The following LIMCH1 variants were observed in gnomAD, a reference collection of about 807,000 sequenced individuals.
The protein encoded by LIMCH1 is LIM and calponin homology domains-containing protein 1.
In LIMCH1, 113 loss-of-function variants were observed where a neutral mutation model predicts 176.5. The ratio of observed to expected loss-of-function variants is 0.64; its 90% confidence interval spans 0.55 to 0.75. The LOEUF (loss-of-function observed/expected upper bound fraction) is 0.75, where lower values mean the gene tolerates loss of function less well. LIMCH1 is among the 30% of genes least tolerant of loss of function. The pLI is 0.00. For missense variants in LIMCH1, 1,674 were observed against 1,814.9 expected, an observed-to-expected ratio of 0.92 and a Z score of 1.41; for synonymous variants, 619 against 645.9, an observed-to-expected ratio of 0.96 and a Z score of 0.63.
At chr4:41,360,355 C>G (rs577870227), upstream of LIMCH1, among the ~76,000 whole-genome samples, 1 of 152,186 alleles carries the variant, frequency 6.6e-6, no homozygotes, top group African/African-American at 2.4e-5. This position sits in a 1 kb window ranked among gnomAD's most constrained non-coding sequence, Gnocchi z 4.5. Context: ...GCCCGCTCCC[C>G]CGGGCCCGGG....
At chr4:41,415,959 AGAGT>A (rs1446944793) in intron 1 of LIMCH1, among the ~76,000 whole-genome samples, 1 of 151,732 alleles carries the variant, frequency 6.6e-6, no homozygotes, top group Non-Finnish European at 1.5e-5. Flanking sequence ...CCTGGGTGAG[AGAGT>A]GAGACTCCGT....
intron 19 of LIMCH1, among the ~76,000 whole-genome samples, chr4:41,662,368 G>C (rs377583688): frequency 6.6e-6 from 1 of 151,988 alleles, no homozygotes; most frequent in South Asian, 2.1e-4. Context: ...CCCACAATCC[G>C]TAACACATTC....
At chr4:41,410,447 G>GGAAA (rs2059379610) in intron 1 of LIMCH1, among the ~76,000 whole-genome samples, 1 of 152,122 alleles carries the variant, frequency 6.6e-6, no homozygotes, top group Non-Finnish European at 1.5e-5. Context: ...TGGCGTCGTA[G>GGAAA]GAAAGAATTA....
At chr4:41,509,259 C>T (rs1561584314) in intron 2 of LIMCH1, among the ~76,000 whole-genome samples, 1 of 152,160 alleles carries the variant, frequency 6.6e-6, no homozygotes, top group Non-Finnish European at 1.5e-5. Flanking sequence ...CTTATTTAGT[C>T]CTCAGAGCAA....
intron 14 of LIMCH1, among the ~76,000 whole-genome samples, 169 bp from the exon 15 acceptor site, chr4:41,644,331 C>A (rs2093961600): frequency 6.6e-6 from 1 of 152,166 alleles, no homozygotes; most frequent in South Asian, 2.1e-4. Context: ...AGCACGCCCA[C>A]CGCCCGCCCA....
chr4:41,680,223 C>T, intron 24 of LIMCH1, 125 bp downstream of exon 24: 4 of 667,008 alleles, frequency 6.0e-6, no homozygotes, highest in East Asian at 5.5e-5. Context: ...ACAGCAGAAT[C>T]CCATCAAGCT....
At chr4:41,551,054 T>C (rs981552801) in intron 1 of LIMCH1, 1 of 152,194 alleles carries the variant, frequency 6.6e-6, no homozygotes, top group Non-Finnish European at 1.5e-5. Context: ...TCATAGGTAT[T>C]CATATTGGAG....
At chr4:41,519,192 C>T (rs1218340567) in intron 2 of LIMCH1, among the ~76,000 whole-genome samples, 1 of 152,198 alleles carries the variant, frequency 6.6e-6, no homozygotes, top group Non-Finnish European at 1.5e-5. Context: ...CACGTATGTG[C>T]ACCATTCTGG....
chr4:41,484,099 TTG>T (rs1561510214), intron 1 of LIMCH1, among the ~76,000 whole-genome samples: 2 of 152,246 alleles, frequency 1.3e-5, no homozygotes, highest in African/African-American at 4.8e-5. Flanking sequence ...AGAGGGCATA[TTG>T]TAGTTGTGAT....
At chr4:41,521,923 CA>C (rs1160263085) in intron 2 of LIMCH1, among the ~76,000 whole-genome samples, 3 of 151,996 alleles carry the variant, frequency 2.0e-5, no homozygotes, top group Non-Finnish European at 2.9e-5. Flanking sequence ...ATATTAAAAA[CA>C]GCTTAAAAAT....
intron 1 of LIMCH1, among the ~76,000 whole-genome samples, chr4:41,464,362 C>CT (rs2065805372): frequency 6.7e-6 from 1 of 148,282 alleles, no homozygotes; most frequent in Non-Finnish European, 1.5e-5. Context: ...TTTTCCTTTT[C>CT]TTTTTTTCTT....
intron 21 of LIMCH1, among the ~76,000 whole-genome samples, chr4:41,667,274 A>C (rs998566096): frequency 6.6e-6 from 1 of 151,904 alleles, no homozygotes; most frequent in Non-Finnish European, 1.5e-5. Flanking sequence ...ATTTTTTTTT[A>C]CTCCACAATA....
intron 1 of LIMCH1, among the ~76,000 whole-genome samples, chr4:41,551,709 C>T (rs1561720684): frequency 6.6e-6 from 1 of 152,106 alleles, no homozygotes; most frequent in Non-Finnish European, 1.5e-5. Context: ...AAGTGAATTT[C>T]TAATTTCAGT....
At chr4:41,573,898 G>A (rs1433220603) in intron 1 of LIMCH1, among the ~76,000 whole-genome samples, 1 of 152,146 alleles carries the variant, frequency 6.6e-6, no homozygotes. Flanking sequence ...ATGGCTATTA[G>A]GTCATTAGCT....
At chr4:41,419,669 CTTCCTTCCTTCCTCCTTCCTTCCT>C (rs1561311916) in intron 1 of LIMCH1, among the ~76,000 whole-genome samples, 15 of 93,016 alleles carry the variant, frequency 1.6e-4, no homozygotes, top group African/African-American at 6.3e-4. Context: ...TCCTTCCTTC[CTTCCTTCCTTCCTCCTTCCTTCCT>C]TCCTTCCTTC....
chr4:41,589,883 C>T lies in LIMCH1; in HGVS notation c.-240-9037C>T, dbSNP rs115964272. On this transcript the variant is annotated intron_variant, in intron 1 of 31. Coordinates refer to ENST00000503057, the MANE Select transcript of LIMCH1 (RefSeq NM_001330672.2). ...GCTAGGGCTCTCTAAATATAGAGTG[C>T]TCCCAGTTTATTTCCCTTCCTCACA... 1.2e-3 allele frequency among the ~76,000 whole-genome samples: 189 copies of T among 152,208 alleles called. 1 individual carries two copies. Among genetic ancestry groups the T allele is most frequent in the African/African-American group, 4.3e-3 (179 of 41,526 alleles).
At chr4:41,697,116 T>C (rs1731290639) in intron 31 of LIMCH1, 44 bp from the exon 32 acceptor site, 4 of 1,609,840 alleles carry the variant, frequency 2.5e-6, no homozygotes, top group Non-Finnish European at 2.6e-6. Context: ...AAGCGAGAAA[T>C]GTTGCCTACC....
chr4:41,431,015 T>C (rs1259282795), intron 1 of LIMCH1, among the ~76,000 whole-genome samples: 1 of 152,240 alleles, frequency 6.6e-6, no homozygotes, highest in Non-Finnish European at 1.5e-5. Flanking sequence ...AGCAGACATC[T>C]GTCAGAAGTT....
intron 1 of LIMCH1, among the ~76,000 whole-genome samples, chr4:41,576,931 G>T (rs2084575998): frequency 6.6e-6 from 1 of 152,178 alleles, no homozygotes; most frequent in Non-Finnish European, 1.5e-5. Flanking sequence ...CTGATATGCA[G>T]ATTTTCTTCA....
Sources: allele counts gnomAD v4.1 joint callset (sites outside exome capture counted in the v4.1 genomes callset), GRCh38; gene constraint gnomAD v4.1.1; non-coding constraint Gnocchi (gnomAD v3.1); transcripts MANE v1.5; gene names NCBI Gene and HGNC (gene_info 2026-07-23, HGNC 2026-07-21).